The following MINDY4 variants were observed in gnomAD, a reference collection of about 807,000 sequenced individuals.
MINDY4 encodes probable ubiquitin carboxyl-terminal hydrolase MINDY-4.
Under a neutral mutation model 87.0 loss-of-function variants are expected in MINDY4, and 68 were observed. The observed-to-expected ratio is 0.78, with a 90% CI of 0.64 to 0.96. MINDY4 has a LOEUF of 0.96. Ranked by LOEUF, MINDY4 falls within the 40% of genes least tolerant of loss-of-function variation. The pLI, the probability that MINDY4 is intolerant of heterozygous loss-of-function variation, is 0.00. For synonymous variants in MINDY4, 379 were observed against 363.2 expected, an observed-to-expected ratio of 1.04 and a Z score of -0.50; for missense variants, 919 against 928.2, an observed-to-expected ratio of 0.99 and a Z score of 0.13.
At chr7:30,877,090 T>C (rs2128580049) in intron 15 of MINDY4, among the ~76,000 whole-genome samples, 1 of 152,134 alleles carries the variant, frequency 6.6e-6, no homozygotes, top group South Asian at 2.1e-4. Flanking sequence ...GAAAAAAGAA[T>C]GAGAGTAGCT....
intron 7 of MINDY4, among the ~76,000 whole-genome samples, chr7:30,837,343 G>A (rs946064311): frequency 4.6e-5 from 7 of 152,152 alleles, no homozygotes; most frequent in African/African-American, 1.7e-4. Context: ...GGCTCCTGCA[G>A]GATGGAATGT....
chr7:30,889,468 C>T (rs982166995), intron 17 of MINDY4, among the ~76,000 whole-genome samples: 8 of 152,202 alleles, frequency 5.3e-5, no homozygotes, highest in Admixed American at 1.3e-4. Flanking sequence ...CATCAGACTC[C>T]ACCCCCAAAT....
chr7:30,832,539 G>T (rs1444784307), intron 6 of MINDY4, among the ~76,000 whole-genome samples: 2 of 151,910 alleles, frequency 1.3e-5, no homozygotes, highest in East Asian at 3.9e-4. Flanking sequence ...GTCTTGCTCT[G>T]TTGCCCAGGC....
At position 30,850,489 on chromosome 7, in the gene MINDY4, GC is replaced by G; in HGVS notation, c.1483del (p.Leu495SerfsTer41). 6.2e-7 allele frequency: 1 copy of G among 1,612,640 alleles called. No individual in the cohort carries two copies. The highest frequency in any genetic ancestry group is 1.7e-5 in the Admixed American group (1 of 59,916). On this transcript the variant is annotated frameshift_variant, in exon 10 of 18. Transcript: ENST00000265299. LOFTEE classifies it high-confidence loss of function. ...LQPSDAHRTR[C>X]LVLALADIVW... is the part of the protein sequence containing the mutation. ...CCTTCAGATGCCCACCGGACCCGCT[GC>G]CTCGTCCTGGCCCTCGCAGACATTG...
chr7:30,793,682 G>A (rs755460085), intron 5 of MINDY4, among the ~76,000 whole-genome samples: 5 of 152,170 alleles, frequency 3.3e-5, no homozygotes, highest in Non-Finnish European at 7.3e-5. Flanking sequence ...TGGGCCCAGG[G>A]CAGGTATTCT....
At chr7:30,850,305 G>A in intron 9 of MINDY4, 149 bp from the exon 10 acceptor site, 2 of 696,972 alleles carry the variant, frequency 2.9e-6, no homozygotes, top group Non-Finnish European at 4.9e-6. Flanking sequence ...GCTTTGCCTT[G>A]GGGCTCCTGG....
Position 30,791,452 on chromosome 7 carries a change from C to T in MINDY4, c.951C>T (p.Asp317=), listed in dbSNP as rs368051174. The T allele has an allele frequency of 4.8e-4, 768 of 1,613,952 alleles. No homozygotes were observed. The highest frequency in any genetic ancestry group is 6.2e-4 in the Non-Finnish European group (731 of 1,180,030). Residue 317 remains aspartate (D), a synonymous_variant, in exon 5 of 18, where the codon GAC becomes GAT. Transcript: ENST00000265299. ...RDPSEDTPAV[D]GSTDTDRMPL... is the part of the protein sequence containing the mutation. The stretch of plus-strand genomic sequence containing the variant: ...CCTCCGAGGACACCCCAGCAGTGGA[C>T]GGCAGCACAGACACGGACAGGATGC...
At chr7:30,793,773 A>G (rs958464837) in intron 5 of MINDY4, among the ~76,000 whole-genome samples, 1 of 152,136 alleles carries the variant, frequency 6.6e-6, no homozygotes, top group African/African-American at 2.4e-5. Flanking sequence ...CTGAGCCTAA[A>G]TGCCTTTTAT....
chr7:30,852,367 G>A, intron 11 of MINDY4, 88 bp downstream of exon 11: 1 of 1,594,558 alleles, frequency 6.3e-7, no homozygotes, highest in Non-Finnish European at 8.5e-7. Flanking sequence ...CCTCAGCTGG[G>A]GACAGGCTGG....
At chr7:30,833,945 C>A (rs1214208676) in intron 6 of MINDY4, among the ~76,000 whole-genome samples, 12 of 152,244 alleles carry the variant, frequency 7.9e-5, no homozygotes, top group African/African-American at 2.7e-4. Context: ...TGGTCTTGGG[C>A]AGCTCTGCCC....
At chr7:30,849,975 G>C (rs1343235542) in intron 9 of MINDY4, among the ~76,000 whole-genome samples, 2 of 152,220 alleles carry the variant, frequency 1.3e-5, no homozygotes, top group African/African-American at 4.8e-5. Flanking sequence ...AAGTGAGGCT[G>C]CTGTCCCCTT....
In MINDY4 at chr7:30,848,842, A is replaced by C. The variant is rs181560779; in HGVS notation, c.1446-1612A>C. On this transcript the variant is annotated intron_variant, in intron 9 of 17. Transcript: ENST00000265299. ...GTGTCAGAGGCTTGGTGTCACTTTCATATTAGATGTTGGAAATCCACTTTC... is the reference window on the plus strand; with the variant it reads ...GTGTCAGAGGCTTGGTGTCACTTTCCTATTAGATGTTGGAAATCCACTTTC... Among the ~76,000 whole-genome samples the C allele has an allele frequency of 1.3e-3, 205 of 152,300 alleles. 1 individual carries two copies. Among genetic ancestry groups the C allele is most frequent in the African/African-American group, 4.5e-3 (186 of 41,572 alleles).
At chr7:30,798,385 T>TG in intron 5 of MINDY4, among the ~76,000 whole-genome samples, 1 of 152,294 alleles carries the variant, frequency 6.6e-6, no homozygotes, top group Admixed American at 6.5e-5. Context: ...GCAAAGATTT[T>TG]GCTGAACAAC....
At chr7:30,874,358 C>A (rs1306536243) in intron 14 of MINDY4, among the ~76,000 whole-genome samples, 1 of 152,226 alleles carries the variant, frequency 6.6e-6, no homozygotes, top group Non-Finnish European at 1.5e-5. Context: ...ACAGAGAGAA[C>A]CAGATGTGGG....
At chr7:30,857,269 G>A (rs1328778015) in intron 12 of MINDY4, among the ~76,000 whole-genome samples, 1 of 152,014 alleles carries the variant, frequency 6.6e-6, no homozygotes, top group Admixed American at 6.6e-5. Context: ...TTCAGACATC[G>A]CTTTCTCCAA....
chr7:30,871,773 T>A (rs1467690069), intron 13 of MINDY4, among the ~76,000 whole-genome samples: 1 of 152,154 alleles, frequency 6.6e-6, no homozygotes, highest in African/African-American at 2.4e-5. Flanking sequence ...CAGGAGCAGG[T>A]GGTGGTGACT....
At chr7:30,816,652 A>G (rs1788160922) in intron 5 of MINDY4, among the ~76,000 whole-genome samples, 2 of 130,476 alleles carry the variant, frequency 1.5e-5, no homozygotes, top group South Asian at 2.3e-4. Context: ...GGCGATCCCT[A>G]TCTTTGTCCA....
At chr7:30,883,526 C>T (rs758447896) in intron 17 of MINDY4, among the ~76,000 whole-genome samples, 10 of 152,152 alleles carry the variant, frequency 6.6e-5, no homozygotes, top group Non-Finnish European at 1.2e-4. Context: ...AGCTTCAACT[C>T]CTCTGACCCA....
At chr7:30,771,710 G>A (rs774121544) in intron 1 of MINDY4, among the ~76,000 whole-genome samples, 154 bp downstream of exon 1, 3 of 152,244 alleles carry the variant, frequency 2.0e-5, no homozygotes, top group Non-Finnish European at 4.4e-5. Context: ...GCTTTCCCGG[G>A]ACAGGGGAAA....
Sources: allele counts gnomAD v4.1 joint callset (sites outside exome capture counted in the v4.1 genomes callset), GRCh38; gene constraint gnomAD v4.1.1; transcripts MANE v1.5; gene names NCBI Gene and HGNC (gene_info 2026-07-23, HGNC 2026-07-21).